The following CUX1 variants were observed in gnomAD, a reference collection of about 807,000 sequenced individuals.
CUX1 encodes the protein protein CASP.
CUX1 carries 31 observed loss-of-function variants against 158.8 expected under a neutral mutation model. The ratio of observed to expected loss-of-function variants is 0.20; its 90% CI spans 0.15 to 0.26. The LOEUF (loss-of-function observed/expected upper bound fraction) is 0.26, where lower values mean the gene tolerates loss of function less well. Among genes scored for constraint, CUX1 ranks in the 10% least tolerant of loss-of-function variants. CUX1 has a pLI of 1.00. For synonymous variants in CUX1, 879 were observed against 862.1 expected (o/e 1.02, Z -0.34); for missense variants, 1,589 against 2,014.6 (o/e 0.79, Z 4.04).
At chr7:102,054,306 C>G (rs1823873428) in intron 3 of CUX1, among the ~76,000 whole-genome samples, 1 of 152,078 alleles carries the variant, frequency 6.6e-6, no homozygotes, top group Admixed American at 6.5e-5. Flanking sequence ...ATATTTTGGT[C>G]TTTGATTTAT....
chr7:101,853,870 G>T (rs1208049160), intron 1 of CUX1, among the ~76,000 whole-genome samples: 1 of 152,182 alleles, frequency 6.6e-6, no homozygotes, highest in Admixed American at 6.5e-5. Flanking sequence ...ATGGTCATGA[G>T]AAACCCCAGT....
Position 101,817,943 on chromosome 7 carries a change from C to G in CUX1, c.30+274C>G, listed in dbSNP as rs1317428388. ...TTGGGAGCAAAGCTCGAGATGCAGG[C>G]TTGTATCAAACGAAGCGGGTTGGAT... On this transcript the variant is annotated intron_variant, in intron 1 of 23. Transcript: ENST00000292535. The surrounding 1 kb of genome is among the most constrained non-coding windows in gnomAD (Gnocchi z 4.1). Among the ~76,000 whole-genome samples the G allele has an allele frequency of 6.6e-6, 1 of 152,194 alleles. No homozygotes were observed. Among genetic ancestry groups the G allele is most frequent in the African/African-American group, 2.4e-5 (1 of 41,444 alleles).
At chr7:102,278,014 C>A (rs1175190393) in exon 18 of CUX1, 1 of 1,609,218 alleles carries the variant, frequency 6.2e-7, no homozygotes, top group Non-Finnish European at 8.5e-7. Context: ...TGCGCGCCGA[C>A]AACATCAAGC....
chr7:102,028,988 A>ATTT (rs71519103), intron 3 of CUX1, among the ~76,000 whole-genome samples: 13,941 of 113,906 alleles, frequency 0.12, 1,099 homozygotes, highest in East Asian at 0.33. Flanking sequence ...AGTCTTAGGG[A>ATTT]TTTTTTTTTT....
chr7:101,984,137 C>T (rs1472296738), intron 2 of CUX1, among the ~76,000 whole-genome samples: 2 of 65,806 alleles, frequency 3.0e-5, no homozygotes, highest in African/African-American at 5.1e-5. Context: ...TATACACACA[C>T]ACATATATAT....
At chr7:101,949,224 T>C (rs946920402) in intron 2 of CUX1, among the ~76,000 whole-genome samples, 27 of 150,280 alleles carry the variant, frequency 1.8e-4, no homozygotes, top group African/African-American at 6.4e-4. Context: ...CTCCACCTCC[T>C]GGGTTCACGC....
At position 102,257,126 on chromosome 7, in the gene CUX1, A is replaced by C. The variant is rs375788691; in HGVS notation, c.*8084A>C. 1.0e-6 allele frequency: 1 copy of C among 985,384 alleles called. No homozygotes were observed. 61.0% of individuals were successfully genotyped at this position (985,384 alleles called of 1,614,324 possible). On this transcript the variant is annotated 3_prime_UTR_variant, in exon 24 of 24. Coordinates refer to ENST00000292535, the MANE Select transcript of CUX1 (RefSeq NM_181552.4). Reference sequence around the variant, plus strand: ...CGCCCTGCCTTGATCCCATGGGCCCAGCAGAAGGAAACTTACCCCAGGCCA... The same window carrying C: ...CGCCCTGCCTTGATCCCATGGGCCCCGCAGAAGGAAACTTACCCCAGGCCA...
At position 102,255,135 on chromosome 7, in the gene CUX1, TG is replaced by T. The variant is rs1563501419; in HGVS notation, c.*6095del. The T allele has an allele frequency of 1.0e-6, 1 of 985,338 alleles. No individual in the cohort carries two copies. The allele number at this position is 985,338 out of a possible 1,614,324, so 61.0% of individuals were successfully genotyped here. On this transcript the variant is annotated 3_prime_UTR_variant, in exon 24 of 24. Transcript: ENST00000292535. ...CGGCGGCCTGTGCTCCTCACCACCC[TG>T]GTCAGGGGAATAGAAGGAAATGCAA...
chr7:102,101,276 A>T (rs1408531612), intron 5 of CUX1, among the ~76,000 whole-genome samples: 3 of 152,204 alleles, frequency 2.0e-5, no homozygotes, highest in Non-Finnish European at 4.4e-5. Flanking sequence ...TCCCGCAATG[A>T]TGAGTAAATG....
Position 101,916,719 on chromosome 7 carries a change from G to A in CUX1, c.141+494G>A, listed in dbSNP as rs1804251916. ...TGTAAAACAGACATTTCGCCTGCTA[G>A]GCCTTTTAAATGCCTCTCTGTTTCT... is the stretch of plus-strand genomic sequence containing the variant. On this transcript the variant is annotated intron_variant, in intron 2 of 23. Transcript: ENST00000292535. This position sits in a 1 kb window ranked among gnomAD's most constrained non-coding sequence, Gnocchi z 4.4. The A allele has an allele frequency of 6.5e-6, 1 of 154,646 alleles. No individual in the cohort carries two copies. The highest frequency in any genetic ancestry group is 6.3e-5 in the Admixed American group (1 of 15,834). The allele number at this position is 154,646 out of a possible 1,614,324, so 9.6% of individuals were successfully genotyped here.
chr7:101,860,532 T>C (rs900632838), intron 1 of CUX1, among the ~76,000 whole-genome samples: 1 of 152,104 alleles, frequency 6.6e-6, no homozygotes, highest in African/African-American at 2.4e-5. Context: ...GTGAGCTAAG[T>C]TCAGTGTGTC....
At chr7:102,114,691 G>A (rs1397506971) in intron 7 of CUX1, among the ~76,000 whole-genome samples, 1 of 152,148 alleles carries the variant, frequency 6.6e-6, no homozygotes, top group Non-Finnish European at 1.5e-5. Flanking sequence ...CAGCCTGGGC[G>A]ACATAGCAAA....
At chr7:102,013,518 G>A (rs1186722183) in intron 2 of CUX1, among the ~76,000 whole-genome samples, 1 of 152,184 alleles carries the variant, frequency 6.6e-6, no homozygotes, top group Non-Finnish European at 1.5e-5. Context: ...GAGAAAGCTT[G>A]CTTAGAGGAA....
chr7:102,094,053 C>T (rs532622213), intron 4 of CUX1, among the ~76,000 whole-genome samples: 7 of 152,232 alleles, frequency 4.6e-5, no homozygotes, highest in African/African-American at 1.7e-4. Flanking sequence ...CTATTATTTC[C>T]GTAGATTAAC....
Position 102,258,215 on chromosome 7 carries a change from A to G in CUX1, c.*9173A>G. 3 of 980,530 alleles carry G rather than the reference A, an allele frequency of 3.1e-6. No individual in the cohort carries two copies. In the South Asian group the frequency reaches 1.4e-4, roughly 46 times the overall value. The allele number at this position is 980,530 out of a possible 1,614,324, so 60.7% of individuals were successfully genotyped here. A position where few individuals can be genotyped will look rare whatever the true frequency, so the allele number is the denominator to read the frequency against. The stretch of plus-strand genomic sequence containing the variant: ...CCTAGGTGTGATAATTGAAGTAAAT[A>G]TCTTTTATACAAACACAAGAATGTG... On this transcript the variant is annotated 3_prime_UTR_variant, in exon 24 of 24. Coordinates refer to ENST00000292535, the MANE Select transcript of CUX1 (RefSeq NM_181552.4).
intron 5 of CUX1, among the ~76,000 whole-genome samples, chr7:102,102,182 ATCGTTGGTGGAATTCCACC>A (rs1554486672): frequency 6.6e-6 from 1 of 152,018 alleles, no homozygotes; most frequent in Non-Finnish European, 1.5e-5. Flanking sequence ...CCCTGATGGG[ATCGTTGGTGGAATTCCACC>A]TCTCTACGGA....
chr7:101,868,564 G>A (rs1048961995), intron 1 of CUX1, among the ~76,000 whole-genome samples: 1 of 152,210 alleles, frequency 6.6e-6, no homozygotes, highest in East Asian at 1.9e-4. Context: ...ACAGCCACTG[G>A]ACAGCCAGCC....
intron 9 of CUX1, among the ~76,000 whole-genome samples, chr7:102,163,578 G>T (rs992435322): frequency 6.6e-6 from 1 of 152,304 alleles, no homozygotes. Context: ...GTTCTAGAAG[G>T]ATCTCTCTGG....
chr7:101,835,231 G>A (rs986414311), intron 1 of CUX1, among the ~76,000 whole-genome samples: 2 of 151,998 alleles, frequency 1.3e-5, no homozygotes, highest in Non-Finnish European at 2.9e-5. Flanking sequence ...CATGCGTCTC[G>A]GGAATCATGG....
Sources: gnomAD v4.1 joint callset for allele counts (sites outside exome capture counted in the v4.1 genomes callset) on GRCh38, gnomAD v4.1.1 for gene constraint, Gnocchi (gnomAD v3.1) non-coding constraint, MANE v1.5 for transcripts, NCBI Gene and HGNC (gene_info 2026-07-23, HGNC 2026-07-21) for gene names.